Variants in PDCD11 observed in about 807,000 individuals in gnomAD.
PDCD11 encodes programmed cell death 11.
PDCD11 carries 97 observed loss-of-function variants against 198.9 expected under a neutral mutation model. The ratio of observed to expected loss-of-function variants is 0.49; its 90% CI spans 0.41 to 0.58. The LOEUF (loss-of-function observed/expected upper bound fraction) is 0.58. Among genes scored for constraint, PDCD11 ranks in the 20% least tolerant of loss-of-function variants. The pLI, the probability that PDCD11 is intolerant of heterozygous loss-of-function variation, is 0.00. For missense variants in PDCD11, 2,102 were observed against 2,312.7 expected, an observed-to-expected ratio of 0.91 and a Z score of 1.87; for synonymous variants, 893 against 918.0, an observed-to-expected ratio of 0.97 and a Z score of 0.49.
intron 34 of PDCD11, 53 bp downstream of exon 34, chr10:103,444,121 T>TAGGA: frequency 6.6e-7 from 1 of 1,510,978 alleles, no homozygotes; most frequent in Non-Finnish European, 9.0e-7. Context: ...GATCGGGGAG[T>TAGGA]AGGAACTGGC....
intron 14 of PDCD11, 118 bp from the exon 15 acceptor site, chr10:103,418,322 G>A: frequency 1.2e-6 from 1 of 800,078 alleles, no homozygotes; most frequent in Admixed American, 2.6e-5. Context: ...TTGGAAGAAA[G>A]CTGCCTCTTA....
At chr10:103,402,658 C>T (rs955469396) in intron 3 of PDCD11, among the ~76,000 whole-genome samples, 1 of 152,100 alleles carries the variant, frequency 6.6e-6, no homozygotes, top group South Asian at 2.1e-4. Flanking sequence ...AGGCTGCTCT[C>T]GAACTCCTGA....
rs533974672 is a variant in PDCD11 at position 103,415,039 on chromosome 10, T to C, written c.1406T>C (p.Leu469Pro). The C allele has an allele frequency of 7.5e-5, 121 of 1,614,136 alleles. No homozygotes were observed. The East Asian group carries it at 2.4e-3, about 32-fold the overall frequency. The change falls in exon 12 of 36, where the codon CTG (leucine) becomes CCG (proline). Residue 469 changes from leucine to proline, a missense_variant. Leu to Pro is a moderately conservative substitution (Grantham distance 98). Coordinates refer to ENST00000369797, the MANE Select transcript of PDCD11 (RefSeq NM_014976.2). ...TVLTIKSYGM[L>P]VKVGEQMRGL... ...CTAACCATAAAGTCATATGGGATGC[T>C]GGTGAAGGTGGGCGAGCAGATGAGG...
intron 1 of PDCD11, among the ~76,000 whole-genome samples, chr10:103,397,356 C>G (rs745866392): frequency 6.6e-6 from 1 of 152,076 alleles, no homozygotes; most frequent in African/African-American, 2.4e-5. Context: ...ACTGTTCTCT[C>G]GCTTTCCCTG....
Position 103,398,399 on chromosome 10 carries a change from C to CT in PDCD11, c.-11-14dup. ...ACCAAGACAACATGTCACCATTATCCTTTGCATTGTTTTTAGGAGACCCAA... is the reference window on the plus strand; with the variant it reads ...ACCAAGACAACATGTCACCATTATCCTTTTGCATTGTTTTTAGGAGACCCAA... On this transcript the variant is annotated splice_polypyrimidine_tract_variant and intron_variant, in intron 1 of 35. Transcript: ENST00000369797. 1.4e-6 allele frequency: 2 copies of CT among 1,446,130 alleles called. No homozygotes were observed. Among genetic ancestry groups the CT allele is most frequent in the Non-Finnish European group, 1.9e-6 (2 of 1,026,842 alleles). 89.6% of individuals were successfully genotyped at this position (1,446,130 alleles called of 1,614,324 possible).
intron 30 of PDCD11, among the ~76,000 whole-genome samples, chr10:103,441,286 C>T (rs539017835): frequency 6.6e-6 from 1 of 152,314 alleles, no homozygotes; most frequent in South Asian, 2.1e-4. Flanking sequence ...GAGACAGAGT[C>T]TCGCTTTGTC....
chr10:103,404,958 G>A (rs1400171574), intron 4 of PDCD11, 64 bp from the exon 5 acceptor site: 1 of 1,499,754 alleles, frequency 6.7e-7, no homozygotes, highest in Non-Finnish European at 9.1e-7. Flanking sequence ...AGCCAAAGCT[G>A]GGTAATGGAT....
chr10:103,428,463 A>G (rs1478196217), intron 21 of PDCD11, among the ~76,000 whole-genome samples: 3 of 152,002 alleles, frequency 2.0e-5, no homozygotes, highest in Non-Finnish European at 4.4e-5. Flanking sequence ...GTGGTTTCTT[A>G]GTTTTGTAGA....
Position 103,440,489 on chromosome 10 carries a change from GTGGAGA to G in PDCD11, c.4351_4356del (p.Glu1451_Met1452del), listed in dbSNP as rs749196197. On this transcript the variant is annotated inframe_deletion, in exon 29 of 36. Transcript: ENST00000369797. The stretch of plus-strand genomic sequence containing the variant: ...GAAGAACCAGAAGGGGCAGGAGGAG[GTGGAGA>G]TGCCCAGCAAGGAGAAGCAACAGCC... 3.5e-5 allele frequency: 57 copies of G among 1,613,850 alleles called. No individual in the cohort carries two copies. The highest frequency in any genetic ancestry group is 4.8e-5 in the Non-Finnish European group (57 of 1,179,980).
chr10:103,403,010 C>T, intron 3 of PDCD11, 108 bp from the exon 4 acceptor site: 1 of 1,042,730 alleles, frequency 9.6e-7, no homozygotes, highest in Admixed American at 2.1e-5. Flanking sequence ...GCGTAAGCCA[C>T]TGTGCTTGGC....
At chr10:103,442,063 G>A in intron 31 of PDCD11, 88 bp downstream of exon 31, 1 of 1,565,448 alleles carries the variant, frequency 6.4e-7, no homozygotes, top group Non-Finnish European at 8.7e-7. Flanking sequence ...GTGTCTTCCT[G>A]GGTGAGTGGG....
chr10:103,415,429 G>T (rs1301590383), intron 12 of PDCD11, among the ~76,000 whole-genome samples: 1 of 152,238 alleles, frequency 6.6e-6, no homozygotes, highest in African/African-American at 2.4e-5. Flanking sequence ...GAAAGGGGAG[G>T]TGAGGGTGGG....
At chr10:103,407,730 T>C (rs933188766) in intron 7 of PDCD11, among the ~76,000 whole-genome samples, 1 of 152,026 alleles carries the variant, frequency 6.6e-6, no homozygotes, top group Admixed American at 6.6e-5. Flanking sequence ...ACTTTCTTTT[T>C]TTTTTTGAGA....
At chr10:103,435,595 A>G (rs1278753138) in intron 25 of PDCD11, among the ~76,000 whole-genome samples, 2 of 151,908 alleles carry the variant, frequency 1.3e-5, no homozygotes, top group Admixed American at 6.6e-5. Context: ...AGCTCACTGC[A>G]GTCTCCTCCC....
chr10:103,420,184 C>G (rs942230610), intron 16 of PDCD11, among the ~76,000 whole-genome samples: 2 of 152,180 alleles, frequency 1.3e-5, no homozygotes, highest in East Asian at 3.9e-4. Flanking sequence ...GTGAGTGCAG[C>G]TGAGCTTTTG....
intron 31 of PDCD11, 93 bp from the exon 32 acceptor site, chr10:103,442,120 C>T (rs1199912535): frequency 5.1e-6 from 8 of 1,566,728 alleles, no homozygotes; most frequent in African/African-American, 2.7e-5. Context: ...ATATAGAGCC[C>T]TGGGCTGCCC....
At chr10:103,402,639 G>A (rs957278439) in intron 3 of PDCD11, among the ~76,000 whole-genome samples, 5 of 151,952 alleles carry the variant, frequency 3.3e-5, no homozygotes, top group Non-Finnish European at 5.9e-5. Context: ...GGGTTTTGCC[G>A]TGTTGGCCAG....
rs1362883370 is a variant in PDCD11 at position 103,445,701 on chromosome 10, G to T, written c.*152G>T. On this transcript the variant is annotated 3_prime_UTR_variant, in exon 36 of 36. Coordinates refer to ENST00000369797, the MANE Select transcript of PDCD11 (RefSeq NM_014976.2). ...GGGGAAATCCTGTCAGGATGAAAAG[G>T]AAGTTGAGATTTTTTAAATCCCTCT... 2 of 615,052 alleles carry T rather than the reference G, an allele frequency of 3.3e-6. No homozygotes were observed. Among genetic ancestry groups the T allele is most frequent in the Non-Finnish European group, 5.6e-6 (2 of 355,578 alleles). 38.1% of individuals were successfully genotyped at this position (615,052 alleles called of 1,614,324 possible).
intron 15 of PDCD11, among the ~76,000 whole-genome samples, chr10:103,418,919 T>G (rs1441481071): frequency 6.6e-6 from 1 of 150,840 alleles, no homozygotes; most frequent in Non-Finnish European, 1.5e-5. Flanking sequence ...CTAGTTTTCT[T>G]GGGGCTTTCA....
Sources: gnomAD v4.1 joint callset for allele counts (sites outside exome capture counted in the v4.1 genomes callset) on GRCh38, gnomAD v4.1.1 for gene constraint, MANE v1.5 for transcripts, NCBI Gene and HGNC (gene_info 2026-07-23, HGNC 2026-07-21) for gene names.